MAP3K13: variants seen among roughly 807,000 people sequenced by gnomAD.
MAP3K13 encodes leucine zipper-bearing kinase.
In MAP3K13, 52 loss-of-function variants were observed where a neutral mutation model predicts 104.0. The observed-to-expected ratio is 0.50, with a 90% CI of 0.40 to 0.63. The LOEUF (loss-of-function observed/expected upper bound fraction) is 0.63, where lower values mean the gene tolerates loss of function less well. Ranked by LOEUF, MAP3K13 falls within the 20% of genes least tolerant of loss-of-function variation. The pLI is 0.00. For synonymous variants in MAP3K13, 394 were observed against 442.2 expected, an observed-to-expected ratio of 0.89 and a Z score of 1.37; for missense variants, 914 against 1,218.5, an observed-to-expected ratio of 0.75 and a Z score of 3.72.
chr3:185,325,506 A>G (rs764678279), intron 2 of MAP3K13, among the ~76,000 whole-genome samples: 8 of 152,312 alleles, frequency 5.3e-5, no homozygotes, highest in Non-Finnish European at 1.0e-4. Flanking sequence ...GTCGCTTTGC[A>G]TCCCTTGCTC....
At chr3:185,455,107 GATATATGAGATATATGTGAGAT>G (rs1716379416) in intron 7 of MAP3K13, among the ~76,000 whole-genome samples, 1 of 110,392 alleles carries the variant, frequency 9.1e-6, no homozygotes, top group African/African-American at 3.5e-5. Context: ...ATATATGTGA[GATATATGAGATATATGTGAGAT>G]ATATATATGA....
intron 1 of MAP3K13, among the ~76,000 whole-genome samples, chr3:185,379,610 G>A (rs1320809239): frequency 3.3e-5 from 5 of 152,136 alleles, no homozygotes; most frequent in African/African-American, 9.7e-5. Flanking sequence ...AGTGTCTCAC[G>A]TGTCTGTGTG....
In MAP3K13 at chr3:185,427,930, T is replaced by C. The variant is rs149364435; in HGVS notation, c.-85-567T>C. ...CCTGTCTCTATTAAAAATACAAAAATTAGCCAGGTGTGATGATGCATGCCT... is the reference window on the plus strand; with the variant it reads ...CCTGTCTCTATTAAAAATACAAAAACTAGCCAGGTGTGATGATGCATGCCT... On this transcript the variant is annotated intron_variant, in intron 1 of 13. Transcript: ENST00000265026. Among the ~76,000 whole-genome samples, 195 of 151,968 alleles carry C rather than the reference T, an allele frequency of 1.3e-3. 1 individual carries two copies. The highest frequency in any genetic ancestry group is 1.4e-3 in the East Asian group (7 of 5,156).
At chr3:185,343,996 T>C (rs1357245865) in intron 2 of MAP3K13, among the ~76,000 whole-genome samples, 1 of 152,240 alleles carries the variant, frequency 6.6e-6, no homozygotes, top group East Asian at 1.9e-4. Context: ...TCTTATTTGT[T>C]CCAATAAATG....
chr3:185,443,514 G>C lies in MAP3K13; in HGVS notation c.729G>C (p.Glu243Asp). The C allele has an allele frequency of 6.2e-7, 1 of 1,614,102 alleles. No individual in the cohort carries two copies. Among genetic ancestry groups the C allele is most frequent in the Non-Finnish European group, 8.5e-7 (1 of 1,180,000 alleles). The stretch of plus-strand genomic sequence containing the variant: ...ACTGTGCCCATGGACAACTCTACGA[G>C]GTCTTACGAGCTGGCAGGAAGATCA... ...MEYCAHGQLY[E>D]VLRAGRKITP... is the part of the protein sequence containing the mutation. The change falls in exon 4 of 14, where the codon GAG (glutamate) becomes GAC (aspartate). Residue 243 changes from glutamate (E) to aspartate (D), a missense_variant. By Grantham distance (45) the Glu-to-Asp change is conservative. Coordinates refer to ENST00000265026, the MANE Select transcript of MAP3K13 (RefSeq NM_004721.5).
At chr3:185,329,716 A>T (rs1213893665) in intron 2 of MAP3K13, among the ~76,000 whole-genome samples, 1 of 152,200 alleles carries the variant, frequency 6.6e-6, no homozygotes, top group African/African-American at 2.4e-5. Context: ...GGAACTACAC[A>T]TTGTTACACA....
intron 1 of MAP3K13, among the ~76,000 whole-genome samples, chr3:185,424,017 T>C (rs755235593): frequency 1.3e-5 from 2 of 152,196 alleles, no homozygotes; most frequent in Non-Finnish European, 2.9e-5. Context: ...ATGGCTCACT[T>C]GTCATGGGGG....
At chr3:185,439,502 C>T (rs1210300818) in intron 3 of MAP3K13, among the ~76,000 whole-genome samples, 1 of 152,060 alleles carries the variant, frequency 6.6e-6, no homozygotes, top group Non-Finnish European at 1.5e-5. Context: ...ATGCTACACC[C>T]TCCTAAATGG....
chr3:185,314,480 G>A (rs945027390), intron 2 of MAP3K13, among the ~76,000 whole-genome samples: 9 of 152,046 alleles, frequency 5.9e-5, no homozygotes, highest in Non-Finnish European at 1.2e-4. Context: ...GCTGGGCATC[G>A]TGATGCATGC....
intron 2 of MAP3K13, among the ~76,000 whole-genome samples, chr3:185,437,182 G>T (rs1346483574): frequency 6.6e-6 from 1 of 152,048 alleles, no homozygotes; most frequent in East Asian, 1.9e-4. Context: ...AGGACTGCAG[G>T]AGTGGTAGGA....
intron 1 of MAP3K13, among the ~76,000 whole-genome samples, chr3:185,416,891 G>A (rs1366879920): frequency 1.3e-5 from 2 of 151,624 alleles, no homozygotes; most frequent in Admixed American, 1.3e-4. Context: ...CCAAAGTGCT[G>A]GGAGTACAGG....
At chr3:185,475,447 A>T (rs1197495325) in intron 11 of MAP3K13, among the ~76,000 whole-genome samples, 1 of 152,218 alleles carries the variant, frequency 6.6e-6, no homozygotes, top group Non-Finnish European at 1.5e-5. Context: ...TTGGTCAACT[A>T]GGCATTGAGT....
At chr3:185,318,333 A>G (rs1721748953) in intron 2 of MAP3K13, among the ~76,000 whole-genome samples, 1 of 152,238 alleles carries the variant, frequency 6.6e-6, no homozygotes, top group Non-Finnish European at 1.5e-5. Flanking sequence ...TTGCAGCTTT[A>G]TAAACCTGCC....
At chr3:185,453,659 C>T (rs532687812) in intron 7 of MAP3K13, among the ~76,000 whole-genome samples, 340 of 151,416 alleles carry the variant, frequency 2.2e-3, no homozygotes, top group South Asian at 7.1e-3. Context: ...GTCCCAGCTA[C>T]TCAGGAGGCT....
At chr3:185,323,411 A>C (rs1235989429) in intron 2 of MAP3K13, among the ~76,000 whole-genome samples, 1 of 140,338 alleles carries the variant, frequency 7.1e-6, no homozygotes, top group Non-Finnish European at 1.5e-5. Flanking sequence ...ATCTTGGCTC[A>C]CCGCAACCTC....
intron 7 of MAP3K13, among the ~76,000 whole-genome samples, chr3:185,455,543 A>ATATATATGACATGTATAT (rs1491361772): frequency 1.3e-4 from 1 of 7,466 alleles, no homozygotes; most frequent in Non-Finnish European, 2.0e-4. Flanking sequence ...GATATATATG[A>ATATATATGACATGTATAT]CATATATATG....
chr3:185,347,857 A>C (rs901971570), intron 2 of MAP3K13, among the ~76,000 whole-genome samples: 4 of 152,036 alleles, frequency 2.6e-5, no homozygotes, highest in African/African-American at 4.8e-5. Context: ...AAAAATACAA[A>C]ATTAGCCAGG....
At chr3:185,439,481 TC>T (rs888591838) in intron 3 of MAP3K13, among the ~76,000 whole-genome samples, 20 of 152,236 alleles carry the variant, frequency 1.3e-4, no homozygotes, top group African/African-American at 4.3e-4. Context: ...GAGACCATCT[TC>T]ACTTCCAGTA....
chr3:185,284,971 C>T (rs1233746902), intron 1 of MAP3K13, among the ~76,000 whole-genome samples: 1 of 151,844 alleles, frequency 6.6e-6, no homozygotes, highest in Non-Finnish European at 1.5e-5. Flanking sequence ...GCTCTGGTTT[C>T]AGAATCTTAC....
Sources: gnomAD v4.1 joint callset for allele counts (sites outside exome capture counted in the v4.1 genomes callset) on GRCh38, gnomAD v4.1.1 for gene constraint, MANE v1.5 for transcripts, NCBI Gene and HGNC (gene_info 2026-07-23, HGNC 2026-07-21) for gene names.